TTC9: variants seen among roughly 807,000 people sequenced by gnomAD.
TTC9 encodes the protein tetratricopeptide repeat protein 9A.
TTC9 carries 13 observed loss-of-function variants against 22.9 expected under a neutral mutation model. That is an observed-to-expected ratio of 0.57 (90% CI 0.37 to 0.90). The LOEUF is 0.90. Ranked by LOEUF, TTC9 falls within the 40% of genes least tolerant of loss-of-function variation. The probability of loss-of-function intolerance (pLI) is 0.01; values close to 1 mark genes in which losing one functional copy is unlikely to be tolerated. For synonymous variants in TTC9, 148 were observed against 133.2 expected (o/e 1.11, Z -0.77); for missense variants, 280 against 291.8 (o/e 0.96, Z 0.29).
At chr14:70,655,496 G>A (rs1367487347) in intron 1 of TTC9, among the ~76,000 whole-genome samples, 4 of 151,992 alleles carry the variant, frequency 2.6e-5, no homozygotes, top group African/African-American at 7.3e-5. Flanking sequence ...TTTCCTTGCC[G>A]TTTTTCTTCC....
At chr14:70,664,404 AC>A (rs1365762635) in intron 1 of TTC9, among the ~76,000 whole-genome samples, 1 of 151,370 alleles carries the variant, frequency 6.6e-6, no homozygotes, top group Non-Finnish European at 1.5e-5. Flanking sequence ...CCTGGCTGTC[AC>A]CCCCTCCACC....
intron 1 of TTC9, among the ~76,000 whole-genome samples, chr14:70,644,509 C>G: frequency 6.6e-6 from 1 of 152,116 alleles, no homozygotes; most frequent in East Asian, 1.9e-4. Flanking sequence ...AGAAAAAGCT[C>G]AAGGCTCCGG....
Position 70,643,854 on chromosome 14 carries a change from A to G in TTC9, c.406+1319A>G, listed in dbSNP as rs144449014. Among the ~76,000 whole-genome samples, 411 of 152,332 alleles carry G rather than the reference A, an allele frequency of 2.7e-3. 1 individual carries two copies. The highest frequency in any genetic ancestry group is 9.5e-3 in the African/African-American group (393 of 41,564). ...TTGTAAATTGTAAAGTACTTTACAG[A>G]CTTAAAGGATTAATAGAGTAGTAGT... On this transcript the variant is annotated intron_variant, in intron 1 of 2. Transcript: ENST00000256367.
At chr14:70,653,807 G>C (rs74413302) in intron 1 of TTC9, among the ~76,000 whole-genome samples, 1,590 of 152,334 alleles carry the variant, frequency 0.01, 29 homozygotes, top group African/African-American at 0.036. Flanking sequence ...GGATTTGCCT[G>C]CTGGGAAGAG....
At chr14:70,643,249 C>T (rs1885854527) in intron 1 of TTC9, among the ~76,000 whole-genome samples, 1 of 152,198 alleles carries the variant, frequency 6.6e-6, no homozygotes, top group South Asian at 2.1e-4. Flanking sequence ...AGTCCTCACG[C>T]CAGCTGGCTG....
At chr14:70,663,752 G>T (rs542750965) in intron 1 of TTC9, among the ~76,000 whole-genome samples, 10 of 152,248 alleles carry the variant, frequency 6.6e-5, no homozygotes, top group Admixed American at 4.6e-4. Context: ...CCACTGCCCC[G>T]CCCAGTGCCC....
In TTC9 at chr14:70,671,147, G is replaced by T; in HGVS notation, c.661G>T (p.Ala221Ser). The change falls in exon 3 of 3, where the codon GCC becomes TCC. Residue 221 changes from alanine to serine, a missense_variant. Around this residue, in one of 5 missense-constraint regions of TTC9, gnomAD observed 22 missense variants for 20.4 expected, o/e 1.08. Transcript: ENST00000256367. ...CCGATGCTCCCAGAGAGAAAAAGAA[G>T]CCATGTAACCAGGAAGCAGCTCCAG... Reference protein sequence around the residue: ...LSRCSQREKEAM With the variant: ...LSRCSQREKESM 6.2e-7 allele frequency: 1 copy of T among 1,613,524 alleles called. No individual in the cohort carries two copies. Among genetic ancestry groups the T allele is most frequent in the Non-Finnish European group, 8.5e-7 (1 of 1,179,688 alleles).
chr14:70,661,786 C>T (rs1166506552), intron 1 of TTC9, among the ~76,000 whole-genome samples: 2 of 152,168 alleles, frequency 1.3e-5, no homozygotes, highest in East Asian at 1.9e-4. Flanking sequence ...TTGCTAAACA[C>T]GACCCCTCTG....
intron 1 of TTC9, among the ~76,000 whole-genome samples, chr14:70,647,390 C>T (rs1885918362): frequency 6.6e-6 from 1 of 152,208 alleles, no homozygotes; most frequent in Non-Finnish European, 1.5e-5. Flanking sequence ...GTGACCCTAC[C>T]CTTTCCTTCT....
chr14:70,670,993 C>A, intron 2 of TTC9, 83 bp from the exon 3 acceptor site: 1 of 1,363,302 alleles, frequency 7.3e-7, no homozygotes, highest in Non-Finnish European at 1.0e-6. Context: ...TGGATGTCTG[C>A]AGACACAGCC....
intron 1 of TTC9, among the ~76,000 whole-genome samples, chr14:70,658,995 T>C (rs1886104310): frequency 6.6e-6 from 1 of 152,184 alleles, no homozygotes; most frequent in Non-Finnish European, 1.5e-5. Context: ...TATATAATAT[T>C]TTCAAAATGA....
At chr14:70,647,315 C>T (rs941510713) in intron 1 of TTC9, among the ~76,000 whole-genome samples, 2 of 152,132 alleles carry the variant, frequency 1.3e-5, no homozygotes, top group African/African-American at 4.8e-5. Flanking sequence ...ACTTTATATG[C>T]ATACTTCATA....
At chr14:70,646,717 G>C in intron 1 of TTC9, among the ~76,000 whole-genome samples, 1 of 152,298 alleles carries the variant, frequency 6.6e-6, no homozygotes. Context: ...ATGTTTAGGA[G>C]ATTTTTGTTG....
At position 70,642,414 on chromosome 14, in the gene TTC9, G is replaced by A. The variant is rs754478000; in HGVS notation, c.285G>A (p.Gly95=). The change falls in exon 1 of 3, where the codon GGG becomes GGA. Residue 95 remains glycine (G), a synonymous_variant. Coordinates refer to ENST00000256367, the MANE Select transcript of TTC9 (RefSeq NM_015351.2). ...TGAAGGGGCTGCTGCCGCCCCCCGG[G>A]GAACGGGAGCGGGACTCGCGCCCGG... ...LELKGLLPPP[G]ERERDSRPAS... is the part of the protein sequence containing the mutation. The A allele has an allele frequency of 4.4e-6, 7 of 1,595,668 alleles. No homozygotes were observed. Among genetic ancestry groups the A allele is most frequent in the Non-Finnish European group, 6.0e-6 (7 of 1,172,436 alleles).
chr14:70,661,752 CTCTT>C (rs1168122045), intron 1 of TTC9, among the ~76,000 whole-genome samples: 2 of 152,138 alleles, frequency 1.3e-5, no homozygotes, highest in Non-Finnish European at 2.9e-5. Context: ...GTCGCGGGGG[CTCTT>C]TGAGTAGCTG....
Position 70,671,187 on chromosome 14 carries a change from C to T in TTC9, c.*32C>T, listed in dbSNP as rs1176740822. On this transcript the variant is annotated 3_prime_UTR_variant, in exon 3 of 3. Coordinates refer to ENST00000256367, the MANE Select transcript of TTC9 (RefSeq NM_015351.2). ...AGCAGCTCCAGAGCTGCGCCCACGC[C>T]TGACCGGGGACTTCCAGGCATCCCC... 1.9e-6 allele frequency: 3 copies of T among 1,597,046 alleles called. No individual in the cohort carries two copies. In the South Asian group the frequency reaches 3.3e-5, roughly 18 times the overall value.
At chr14:70,669,640 C>T (rs546597228) in intron 2 of TTC9, among the ~76,000 whole-genome samples, 1 of 149,680 alleles carries the variant, frequency 6.7e-6, no homozygotes, top group Admixed American at 6.7e-5. Context: ...ACTTTAGAAT[C>T]AAGTCACAAA....
chr14:70,670,750 G>T (rs902885218), intron 2 of TTC9, among the ~76,000 whole-genome samples: 6 of 152,162 alleles, frequency 3.9e-5, no homozygotes, highest in African/African-American at 1.4e-4. Context: ...TCCAACTGGG[G>T]TCTCACTAAA....
chr14:70,649,552 A>T (rs1885951619), intron 1 of TTC9, among the ~76,000 whole-genome samples: 1 of 152,214 alleles, frequency 6.6e-6, no homozygotes, highest in Non-Finnish European at 1.5e-5. Flanking sequence ...GCAAACTGGG[A>T]TCTCTCAACC....
Sources: allele counts gnomAD v4.1 joint callset (sites outside exome capture counted in the v4.1 genomes callset), GRCh38; gene constraint gnomAD v4.1.1; regional missense constraint gnomAD v4.1.1; transcripts MANE v1.5; gene names NCBI Gene and HGNC (gene_info 2026-07-23, HGNC 2026-07-21).